Variants in KCNB2 observed in about 807,000 individuals in gnomAD.
KCNB2 encodes potassium voltage-gated channel subfamily B member 2.
KCNB2 carries 15 observed loss-of-function variants against 61.5 expected under a neutral mutation model. The ratio of observed to expected loss-of-function variants is 0.24; its 90% confidence interval spans 0.16 to 0.38. The LOEUF (loss-of-function observed/expected upper bound fraction) is 0.38. KCNB2 is among the 10% of genes least tolerant of loss of function. The probability of loss-of-function intolerance (pLI) is 1.00; values close to 1 mark genes in which losing one functional copy is unlikely to be tolerated. For missense variants in KCNB2, 828 were observed against 1,125.2 expected (o/e 0.74, Z 3.78); for synonymous variants, 457 against 446.0 (o/e 1.02, Z -0.31).
chr8:72,675,711 A>G (rs1013553928), intron 2 of KCNB2, among the ~76,000 whole-genome samples: 3 of 150,450 alleles, frequency 2.0e-5, no homozygotes, highest in African/African-American at 7.3e-5. Flanking sequence ...GAACCTCCAC[A>G]CTCGGCTGAT....
intron 2 of KCNB2, among the ~76,000 whole-genome samples, chr8:72,903,932 G>A (rs557611929): frequency 1.3e-5 from 2 of 152,152 alleles, no homozygotes; most frequent in African/African-American, 4.8e-5. Context: ...ATGCTAAAGG[G>A]GAGATAAAAC....
intron 2 of KCNB2, among the ~76,000 whole-genome samples, chr8:72,838,883 A>C (rs1253374543): frequency 6.6e-6 from 1 of 152,220 alleles, no homozygotes; most frequent in Non-Finnish European, 1.5e-5. Context: ...TTGAATGAGC[A>C]AGACAATCCT....
chr8:72,754,329 C>T (rs1808249517), intron 2 of KCNB2, among the ~76,000 whole-genome samples: 2 of 152,136 alleles, frequency 1.3e-5, no homozygotes, highest in Admixed American at 1.3e-4. Context: ...CCCCCTAGGT[C>T]TAACTCAAGA....
At chr8:72,676,556 T>C (rs1396473324) in intron 2 of KCNB2, among the ~76,000 whole-genome samples, 1 of 150,996 alleles carries the variant, frequency 6.6e-6, no homozygotes, top group South Asian at 2.1e-4. Flanking sequence ...ACTCCTTAAT[T>C]CTTAGATTGT....
chr8:72,891,147 T>A (rs557990260), intron 2 of KCNB2, among the ~76,000 whole-genome samples: 1 of 152,222 alleles, frequency 6.6e-6, no homozygotes, highest in Non-Finnish European at 1.5e-5. Flanking sequence ...GAACACCAGT[T>A]TTGTGTTTTG....
At chr8:72,827,969 T>C (rs972978967) in intron 2 of KCNB2, among the ~76,000 whole-genome samples, 4 of 152,092 alleles carry the variant, frequency 2.6e-5, no homozygotes, top group African/African-American at 9.7e-5. Flanking sequence ...CCTGCCACCA[T>C]GCCCAGCTAA....
chr8:72,551,384 C>G (rs1478915097), intron 1 of KCNB2, among the ~76,000 whole-genome samples: 1 of 152,130 alleles, frequency 6.6e-6, no homozygotes, highest in Non-Finnish European at 1.5e-5. Flanking sequence ...TAGTAGAAAG[C>G]TGTTGTACAT....
chr8:72,896,828 A>G lies in KCNB2; in HGVS notation c.580-39107A>G, dbSNP rs534999790. The stretch of plus-strand genomic sequence containing the variant: ...GGAAGAAAAAGTCAAGAAATGAGTC[A>G]TTCATATCTTCAAGCCTAACAAAGA... On this transcript the variant is annotated intron_variant, in intron 2 of 2. Transcript: ENST00000523207. Among the ~76,000 whole-genome samples the G allele has an allele frequency of 1.2e-3, 182 of 152,268 alleles. 1 individual carries two copies. The highest frequency in any genetic ancestry group is 3.5e-3 in the African/African-American group (146 of 41,574).
intron 2 of KCNB2, among the ~76,000 whole-genome samples, chr8:72,703,305 T>C (rs1031319849): frequency 5.9e-5 from 9 of 152,194 alleles, no homozygotes; most frequent in African/African-American, 1.9e-4. Context: ...AAGATGGAGA[T>C]TGGCAGGCAG....
chr8:72,689,970 A>G (rs1005771323), intron 2 of KCNB2, among the ~76,000 whole-genome samples: 2 of 152,244 alleles, frequency 1.3e-5, no homozygotes, highest in East Asian at 1.9e-4. Context: ...ATGCTAGAAC[A>G]AAACTATTAG....
intron 2 of KCNB2, among the ~76,000 whole-genome samples, chr8:72,682,704 C>T (rs1806780990): frequency 6.6e-6 from 1 of 152,242 alleles, no homozygotes; most frequent in Non-Finnish European, 1.5e-5. Flanking sequence ...AACAATCCTC[C>T]CACCTCAGCC....
chr8:72,712,096 TC>T (rs1276221821), intron 2 of KCNB2, among the ~76,000 whole-genome samples: 1 of 152,270 alleles, frequency 6.6e-6, no homozygotes, highest in East Asian at 1.9e-4. Flanking sequence ...TAATTTGCCT[TC>T]ATTTAATGAT....
At chr8:72,662,867 T>C (rs1267536823) in intron 2 of KCNB2, among the ~76,000 whole-genome samples, 1 of 152,176 alleles carries the variant, frequency 6.6e-6, no homozygotes, top group African/African-American at 2.4e-5. Flanking sequence ...GAGTGTGCAA[T>C]TCAACTATGA....
chr8:72,851,826 G>GAAAAAACAAAAAA (rs1810116298), intron 2 of KCNB2, among the ~76,000 whole-genome samples: 1 of 43,868 alleles, frequency 2.3e-5, no homozygotes, highest in Non-Finnish European at 3.9e-5. Context: ...GAAGCTGTAG[G>GAAAAAACAAAAAA]AAAAAAAAAA....
chr8:72,839,328 A>G (rs577487706), intron 2 of KCNB2, among the ~76,000 whole-genome samples: 87 of 152,322 alleles, frequency 5.7e-4, no homozygotes, highest in African/African-American at 2.1e-3. Context: ...TGTTTTTTAG[A>G]AAATCTCAGA....
chr8:72,676,980 G>A (rs1806665343), intron 2 of KCNB2, among the ~76,000 whole-genome samples: 1 of 152,012 alleles, frequency 6.6e-6, no homozygotes, highest in Non-Finnish European at 1.5e-5. Context: ...CTCACACAAT[G>A]ACATTATTTG....
At chr8:72,909,417 G>GGA (rs1326555751) in intron 2 of KCNB2, among the ~76,000 whole-genome samples, 3 of 152,254 alleles carry the variant, frequency 2.0e-5, no homozygotes, top group South Asian at 2.1e-4. Flanking sequence ...ATGGTGTGGA[G>GGA]GAGAGGAGCG....
chr8:72,933,083 A>G (rs755821949), intron 2 of KCNB2, among the ~76,000 whole-genome samples: 22 of 152,240 alleles, frequency 1.4e-4, no homozygotes, highest in Non-Finnish European at 2.1e-4. Context: ...TTTAACGTGA[A>G]TATGGAATGG....
chr8:72,622,710 C>A, intron 2 of KCNB2, among the ~76,000 whole-genome samples: 1 of 152,094 alleles, frequency 6.6e-6, no homozygotes, highest in East Asian at 1.9e-4. Flanking sequence ...GTTAAGAGAG[C>A]TTATTGTTTA....
Sources: allele counts gnomAD v4.1 joint callset (sites outside exome capture counted in the v4.1 genomes callset), GRCh38; gene constraint gnomAD v4.1.1; transcripts MANE v1.5; gene names NCBI Gene and HGNC (gene_info 2026-07-23, HGNC 2026-07-21).